Variants in PPP1R16B observed in about 807,000 individuals in gnomAD.
PPP1R16B encodes protein phosphatase 1 regulatory subunit 16B.
PPP1R16B carries 14 observed loss-of-function variants against 61.7 expected under a neutral mutation model. The observed-to-expected ratio is 0.23, with a 90% CI of 0.15 to 0.35. The LOEUF (loss-of-function observed/expected upper bound fraction) is 0.35, where lower values mean the gene tolerates loss of function less well. Ranked by LOEUF, PPP1R16B falls within the 10% of genes least tolerant of loss-of-function variation. The pLI is 1.00. For missense variants in PPP1R16B, 547 were observed against 752.5 expected (o/e 0.73, Z 3.19); for synonymous variants, 266 against 305.3 (o/e 0.87, Z 1.34).
At chr20:38,847,320 G>A (rs903551067) in intron 2 of PPP1R16B, among the ~76,000 whole-genome samples, 2 of 152,102 alleles carry the variant, frequency 1.3e-5, no homozygotes, top group Non-Finnish European at 2.9e-5. Flanking sequence ...TAAGCTTACT[G>A]GTCATCTCTC....
At chr20:38,858,418 A>G (rs142140354) in intron 2 of PPP1R16B, among the ~76,000 whole-genome samples, 477 of 152,186 alleles carry the variant, frequency 3.1e-3, no homozygotes, top group African/African-American at 0.011. Flanking sequence ...CATTGAAGGA[A>G]ACTTTACTGC....
At chr20:38,838,006 C>CA (rs2084883733) in intron 2 of PPP1R16B, 4 of 152,216 alleles carry the variant, frequency 2.6e-5, no homozygotes, top group Admixed American at 2.6e-4. Flanking sequence ...AATTGAAACT[C>CA]AGAGAGGTTC....
chr20:38,814,202 T>C (rs1050339860), intron 1 of PPP1R16B, among the ~76,000 whole-genome samples: 1 of 152,208 alleles, frequency 6.6e-6, no homozygotes, highest in South Asian at 2.1e-4. Context: ...AAAGTCAGGA[T>C]TCCATTTCAG....
intron 1 of PPP1R16B, among the ~76,000 whole-genome samples, chr20:38,807,574 TC>T (rs2084670964): frequency 6.6e-6 from 1 of 151,864 alleles, no homozygotes; most frequent in Non-Finnish European, 1.5e-5. Context: ...GGCCAGCAAA[TC>T]CTTCCAGCCG....
At chr20:38,891,219 G>T (rs1462241695) in intron 3 of PPP1R16B, among the ~76,000 whole-genome samples, 1 of 152,196 alleles carries the variant, frequency 6.6e-6, no homozygotes, top group African/African-American at 2.4e-5. Flanking sequence ...TGACAGTCAG[G>T]CTTGTGGCCC....
At chr20:38,839,172 G>A (rs896149673) in intron 2 of PPP1R16B, among the ~76,000 whole-genome samples, 3 of 152,050 alleles carry the variant, frequency 2.0e-5, no homozygotes, top group African/African-American at 7.2e-5. Context: ...AAAGTGATCC[G>A]CCCACCTTGG....
At chr20:38,833,187 G>A (rs554442832) in intron 1 of PPP1R16B, among the ~76,000 whole-genome samples, 1 of 152,274 alleles carries the variant, frequency 6.6e-6, no homozygotes, top group South Asian at 2.1e-4. Flanking sequence ...GATGCTGGGT[G>A]AAAAAAGCCA....
At chr20:38,833,708 T>C (rs188100838) in intron 1 of PPP1R16B, among the ~76,000 whole-genome samples, 1 of 152,238 alleles carries the variant, frequency 6.6e-6, no homozygotes, top group Non-Finnish European at 1.5e-5. Flanking sequence ...ATTGGCTTAT[T>C]TATGCTGGAG....
chr20:38,872,057 C>T (rs1415364482), intron 2 of PPP1R16B, among the ~76,000 whole-genome samples: 2 of 152,216 alleles, frequency 1.3e-5, no homozygotes, highest in Non-Finnish European at 2.9e-5. Flanking sequence ...ATGCACATTT[C>T]AAGTGCTCCC....
rs1035921668 is a variant in PPP1R16B, at chr20:38,918,977, G to A, written c.*311G>A. ...CTATTCTTGGTATAAAGGCTTCTCC[G>A]GATCAGTACATGCATGTCACATTAA... On this transcript the variant is annotated 3_prime_UTR_variant, in exon 11 of 11. Transcript: ENST00000299824. The surrounding 1 kb of genome is among the most constrained non-coding windows in gnomAD (Gnocchi z 5.3). 1.3e-5 allele frequency: 4 copies of A among 306,156 alleles called. No individual in the cohort carries two copies. The highest frequency in any genetic ancestry group is 9.8e-4 in the Middle Eastern group (1 of 1,024). The allele number at this position is 306,156 out of a possible 1,614,324, so 19.0% of individuals were successfully genotyped here.
At chr20:38,867,056 T>A (rs541716788) in intron 2 of PPP1R16B, among the ~76,000 whole-genome samples, 187 of 152,364 alleles carry the variant, frequency 1.2e-3, no homozygotes, top group Non-Finnish European at 2.1e-3. Context: ...TTTTTCGGGT[T>A]CATCCACGCT....
chr20:38,913,619 T>C (rs931892666), intron 10 of PPP1R16B, among the ~76,000 whole-genome samples: 2 of 152,122 alleles, frequency 1.3e-5, no homozygotes, highest in Non-Finnish European at 1.5e-5. Context: ...CAGCAGTAAG[T>C]AGAATGCATC....
intron 10 of PPP1R16B, among the ~76,000 whole-genome samples, chr20:38,915,582 TCAAA>T (rs1041020699): frequency 1.3e-5 from 2 of 152,200 alleles, no homozygotes; most frequent in African/African-American, 4.8e-5. Context: ...GCCTCCTGGT[TCAAA>T]CAATTATCCT....
At chr20:38,888,876 AACACACACACACACACACACAC>A (rs1181903301) in intron 2 of PPP1R16B, among the ~76,000 whole-genome samples, 11 of 112,302 alleles carry the variant, frequency 9.8e-5, no homozygotes, top group Middle Eastern at 5.3e-3. Flanking sequence ...AGAATCCCTG[AACACACACACACACACACACAC>A]ACACACACAC....
At chr20:38,818,044 A>AAAAAC (rs565243329) in intron 1 of PPP1R16B, among the ~76,000 whole-genome samples, 93 of 152,370 alleles carry the variant, frequency 6.1e-4, no homozygotes, top group Non-Finnish European at 1.1e-3. Context: ...ACTCCGTCTC[A>AAAAAC]AAAACAAAAC....
At chr20:38,883,065 G>A (rs1362785581) in intron 2 of PPP1R16B, among the ~76,000 whole-genome samples, 1 of 152,196 alleles carries the variant, frequency 6.6e-6, no homozygotes, top group Non-Finnish European at 1.5e-5. Flanking sequence ...TCATTGCTGG[G>A]CACTGGGCAG....
At chr20:38,856,991 T>G (rs1017663858) in intron 2 of PPP1R16B, among the ~76,000 whole-genome samples, 1 of 152,210 alleles carries the variant, frequency 6.6e-6, no homozygotes, top group Non-Finnish European at 1.5e-5. Flanking sequence ...GTAAGGAGCC[T>G]CAGAAACAAT....
chr20:38,836,197 C>A (rs768382667), intron 2 of PPP1R16B, 22 bp downstream of exon 2: 26 of 1,595,804 alleles, frequency 1.6e-5, no homozygotes, highest in Non-Finnish European at 2.2e-5. Flanking sequence ...TGTGCCTTGG[C>A]GGCCACGCAG....
At chr20:38,875,970 C>CTTTTTTTTTTTTTTTTTTTTTGTTT in intron 2 of PPP1R16B, among the ~76,000 whole-genome samples, 1 of 104,164 alleles carries the variant, frequency 9.6e-6, no homozygotes, top group Non-Finnish European at 1.8e-5. Flanking sequence ...TGGTTTTGAA[C>CTTTTTTTTTTTTTTTTTTTTTGTTT]TTTTTTTTTT....
Sources: allele counts gnomAD v4.1 joint callset (sites outside exome capture counted in the v4.1 genomes callset), GRCh38; gene constraint gnomAD v4.1.1; non-coding constraint Gnocchi (gnomAD v3.1); transcripts MANE v1.5; gene names NCBI Gene and HGNC (gene_info 2026-07-23, HGNC 2026-07-21).